Variants in TOP6BL observed in about 807,000 individuals in gnomAD.
The protein encoded by TOP6BL is type 2 DNA topoisomerase 6 subunit B-like.
the TOP6BL span, among the ~76,000 whole-genome samples, chr11:66,790,229 A>G: frequency 1.3e-5 from 2 of 152,070 alleles, no homozygotes; most frequent in African/African-American, 4.8e-5. Context: ...AGATGGCGCC[A>G]TTGCACTCCA....
At chr11:66,785,614 G>GTAAGATGCAAAGCTCTTGCATCT in the TOP6BL span, among the ~76,000 whole-genome samples, 321 of 152,292 alleles carry the variant, frequency 2.1e-3, no homozygotes, top group African/African-American at 7.2e-3. Flanking sequence ...TGTATGGGTG[G>GTAAGATGCAAAGCTCTTGCATCT]TAAGATGCAA....
At chr11:66,762,329 G>GC in the TOP6BL span, 1 of 397,940 alleles carries the variant, frequency 2.5e-6, no homozygotes, top group South Asian at 2.5e-5. Flanking sequence ...GGCGGGGCGG[G>GC]CCCCGGGGGT....
At chr11:66,780,259 A>G in the TOP6BL span, among the ~76,000 whole-genome samples, 2 of 152,206 alleles carry the variant, frequency 1.3e-5, no homozygotes, top group Non-Finnish European at 2.9e-5. Context: ...TCCCTGCCTT[A>G]TGAGATTATT....
the TOP6BL span, among the ~76,000 whole-genome samples, chr11:66,825,052 C>T: frequency 2.6e-5 from 4 of 151,782 alleles, no homozygotes; most frequent in South Asian, 2.1e-4. Flanking sequence ...TCAGTAGAGA[C>T]GGGGTTTCTC....
chr11:66,842,796 G>A, the TOP6BL span: 6 of 1,477,430 alleles, frequency 4.1e-6, no homozygotes, highest in Non-Finnish European at 5.4e-6. Flanking sequence ...GGCCAAGGGT[G>A]CTCCTAGCAC....
At chr11:66,772,344 G>A in the TOP6BL span, among the ~76,000 whole-genome samples, 2 of 152,206 alleles carry the variant, frequency 1.3e-5, no homozygotes, top group Non-Finnish European at 2.9e-5. Context: ...GGTGCTGCAT[G>A]CCTATAGTCC....
At chr11:66,764,637 C>T in the TOP6BL span, among the ~76,000 whole-genome samples, 1 of 148,934 alleles carries the variant, frequency 6.7e-6, no homozygotes, top group Non-Finnish European at 1.5e-5. Context: ...TGCACTCCAG[C>T]TCGGGCGACA....
the TOP6BL span, among the ~76,000 whole-genome samples, chr11:66,794,230 G>GT: frequency 7.1e-6 from 1 of 141,738 alleles, no homozygotes; most frequent in Non-Finnish European, 1.6e-5. Context: ...CATTTTTTTT[G>GT]TTTTTTGTTT....
At chr11:66,842,357 T>C in the TOP6BL span, among the ~76,000 whole-genome samples, 1 of 152,210 alleles carries the variant, frequency 6.6e-6, no homozygotes, top group South Asian at 2.1e-4. Context: ...AAAAGCTCAT[T>C]GATCTGCATC....
the TOP6BL span, among the ~76,000 whole-genome samples, chr11:66,824,762 C>G: frequency 1.3e-5 from 2 of 151,956 alleles, no homozygotes; most frequent in Non-Finnish European, 2.9e-5. Context: ...CATGTCCCTA[C>G]AAAGGACATG....
the TOP6BL span, among the ~76,000 whole-genome samples, chr11:66,780,311 A>C: frequency 1.3e-5 from 2 of 152,166 alleles, no homozygotes; most frequent in Non-Finnish European, 2.9e-5. Flanking sequence ...TTCAAGGAAA[A>C]AAATAGTCTT....
At chr11:66,792,254 T>C in the TOP6BL span, among the ~76,000 whole-genome samples, 1 of 152,218 alleles carries the variant, frequency 6.6e-6, no homozygotes, top group Non-Finnish European at 1.5e-5. Context: ...GTCCTTCTGC[T>C]GTATTCCTTT....
At chr11:66,777,279 TCCC>T in the TOP6BL span, among the ~76,000 whole-genome samples, 5 of 152,018 alleles carry the variant, frequency 3.3e-5, no homozygotes, top group African/African-American at 1.2e-4. Context: ...TTCTTTTTTT[TCCC>T]CCATTATTAT....
the TOP6BL span, among the ~76,000 whole-genome samples, chr11:66,836,556 G>T: frequency 1.3e-5 from 2 of 148,964 alleles, no homozygotes; most frequent in Non-Finnish European, 3.0e-5. Context: ...TGAGTTATGA[G>T]AGTTCTTTAC....
the TOP6BL span, among the ~76,000 whole-genome samples, chr11:66,811,694 T>TA: frequency 6.6e-6 from 1 of 152,226 alleles, no homozygotes; most frequent in African/African-American, 2.4e-5. Context: ...TGTGATAAGT[T>TA]AAAGTTGTAT....
chr11:66,770,401 TG>T, the TOP6BL span, among the ~76,000 whole-genome samples: 3 of 151,846 alleles, frequency 2.0e-5, no homozygotes, highest in Non-Finnish European at 2.9e-5. Flanking sequence ...TAGGGAAAAA[TG>T]CAAGTCAAAA....
the TOP6BL span, chr11:66,788,068 T>G: frequency 2.6e-5 from 22 of 856,610 alleles, no homozygotes; most frequent in Non-Finnish European, 4.0e-5. Context: ...GGGAAAAGCC[T>G]TCTTGGCTCA....
At chr11:66,758,179 C>T in the TOP6BL span, 1 of 972,036 alleles carries the variant, frequency 1.0e-6, no homozygotes, top group Admixed American at 6.2e-5. Context: ...TTTTTGTCCC[C>T]TCGTTGGTGC....
At chr11:66,774,717 C>T in the TOP6BL span, among the ~76,000 whole-genome samples, 38 of 152,042 alleles carry the variant, frequency 2.5e-4, no homozygotes, top group South Asian at 6.2e-4. Context: ...GTGATCCGCC[C>T]GCCTTTGCCT....
Sources: allele counts gnomAD v4.1 joint callset (sites outside exome capture counted in the v4.1 genomes callset), GRCh38; gene constraint gnomAD v4.1.1; transcripts MANE v1.5; gene names NCBI Gene and HGNC (gene_info 2026-07-23, HGNC 2026-07-21).